CDH13: variants seen among roughly 807,000 people sequenced by gnomAD.
CDH13 encodes cadherin 13.
Under a neutral mutation model 63.8 loss-of-function variants are expected in CDH13, and 24 were observed. The observed-to-expected ratio is 0.38, with a 90% confidence interval of 0.27 to 0.53. CDH13 has a LOEUF of 0.53. CDH13 is among the 20% of genes least tolerant of loss of function. The pLI, the probability that CDH13 is intolerant of heterozygous loss-of-function variation, is 0.85. For synonymous variants in CDH13, 503 were observed against 355.3 expected (o/e 1.42, Z -4.67); for missense variants, 1,049 against 903.1 (o/e 1.16, Z -2.07).
intron 4 of CDH13, among the ~76,000 whole-genome samples, chr16:83,204,148 G>A (rs1231646896): frequency 2.0e-5 from 3 of 152,164 alleles, no homozygotes; most frequent in East Asian, 1.9e-4. Flanking sequence ...CATCAGTGTC[G>A]GGCTCAATGC....
intron 6 of CDH13, among the ~76,000 whole-genome samples, chr16:83,370,283 G>T (rs1169248216): frequency 6.6e-6 from 1 of 151,840 alleles, no homozygotes; most frequent in African/African-American, 2.4e-5. Context: ...AGCTACTCGG[G>T]AGGCTGAGGC....
intron 4 of CDH13, among the ~76,000 whole-genome samples, chr16:83,197,426 C>T (rs898389042): frequency 6.6e-6 from 1 of 152,224 alleles, no homozygotes. Flanking sequence ...TTTAAATGTA[C>T]AATTGAATTA....
Position 82,685,447 on chromosome 16 carries a change from A to G in CDH13, c.45+58310A>G, listed in dbSNP as rs532647097. 1.8e-4 allele frequency among the ~76,000 whole-genome samples: 27 copies of G among 152,332 alleles called. No individual in the cohort carries two copies. The South Asian group carries it at 5.6e-3, about 32-fold the overall frequency. On this transcript the variant is annotated intron_variant, in intron 1 of 13. Transcript: ENST00000567109. ...CCCAAAGGCCCTGCCTCCTAACACT[A>G]TCACCTTGGGGGTTAGACATTTAAC...
At chr16:83,142,124 T>TCC (rs1380016260) in intron 4 of CDH13, among the ~76,000 whole-genome samples, 4 of 151,698 alleles carry the variant, frequency 2.6e-5, no homozygotes, top group African/African-American at 9.7e-5. Context: ...CATTAAGTTG[T>TCC]CCCTGTGCCT....
chr16:83,778,925 G>A (rs760551867), intron 11 of CDH13, among the ~76,000 whole-genome samples: 9 of 152,160 alleles, frequency 5.9e-5, no homozygotes, highest in South Asian at 2.1e-4. Flanking sequence ...CGGAGACTCC[G>A]TCCTCCCCCT....
At chr16:83,209,300 C>T (rs114457141) in intron 4 of CDH13, among the ~76,000 whole-genome samples, 52 of 152,232 alleles carry the variant, frequency 3.4e-4, no homozygotes, top group African/African-American at 1.2e-3. Flanking sequence ...TGGGACAGGC[C>T]AGGGGTTCAG....
At chr16:83,298,459 C>G (rs2089655441) in intron 5 of CDH13, among the ~76,000 whole-genome samples, 1 of 152,016 alleles carries the variant, frequency 6.6e-6, no homozygotes. Context: ...ATTCCTAGGC[C>G]CTACCTCAAG....
chr16:82,946,320 A>G (rs1319169639), intron 2 of CDH13, among the ~76,000 whole-genome samples: 2 of 152,122 alleles, frequency 1.3e-5, no homozygotes, highest in African/African-American at 4.8e-5. Context: ...CAGCTTCTCA[A>G]AAATGTAAGT....
At chr16:83,138,607 A>G (rs989108875) in intron 4 of CDH13, among the ~76,000 whole-genome samples, 7 of 152,214 alleles carry the variant, frequency 4.6e-5, no homozygotes, top group African/African-American at 1.4e-4. Context: ...TGGAGAAATC[A>G]TCAAAGGCTG....
intron 6 of CDH13, among the ~76,000 whole-genome samples, chr16:83,387,450 G>C (rs757199607): frequency 6.6e-6 from 1 of 152,178 alleles, no homozygotes; most frequent in Non-Finnish European, 1.5e-5. Context: ...GCTCTTGGGT[G>C]TGTTTCATCG....
At chr16:82,638,850 G>A (rs891246670) in intron 1 of CDH13, among the ~76,000 whole-genome samples, 1 of 152,194 alleles carries the variant, frequency 6.6e-6, no homozygotes, top group African/African-American at 2.4e-5. Context: ...GTGCATGCAC[G>A]CACCAGTGCC....
At chr16:82,676,038 A>T (rs568788245) in intron 1 of CDH13, among the ~76,000 whole-genome samples, 2 of 152,320 alleles carry the variant, frequency 1.3e-5, no homozygotes, top group East Asian at 3.9e-4. Flanking sequence ...GGAGGGAGAA[A>T]AGATTGATTA....
At chr16:83,658,600 C>T (rs1377669803) in intron 8 of CDH13, among the ~76,000 whole-genome samples, 1 of 150,320 alleles carries the variant, frequency 6.7e-6, no homozygotes, top group African/African-American at 2.5e-5. Context: ...CCCATATCCT[C>T]ACCACCAGGT....
intron 6 of CDH13, among the ~76,000 whole-genome samples, chr16:83,386,957 A>G (rs2091686224): frequency 6.6e-6 from 1 of 152,214 alleles, no homozygotes. Context: ...CTGAAACATC[A>G]TCTTTAGCTC....
chr16:83,197,779 C>G (rs556399109), intron 4 of CDH13, among the ~76,000 whole-genome samples: 1 of 148,614 alleles, frequency 6.7e-6, no homozygotes, highest in East Asian at 2.0e-4. Context: ...CACACTCTCA[C>G]ACACTCACAC....
At chr16:82,707,118 A>G (rs2031558145) in intron 1 of CDH13, among the ~76,000 whole-genome samples, 1 of 152,334 alleles carries the variant, frequency 6.6e-6, no homozygotes, top group Admixed American at 6.5e-5. Flanking sequence ...TTTGCTTCCT[A>G]AAGCGTAAAG....
intron 4 of CDH13, among the ~76,000 whole-genome samples, chr16:83,205,671 C>T (rs1478295846): frequency 2.8e-5 from 4 of 145,226 alleles, no homozygotes; most frequent in Non-Finnish European, 5.9e-5. Flanking sequence ...GTGACGTGAT[C>T]TTGGCTCACT....
chr16:83,151,735 C>A (rs114670571), intron 4 of CDH13, among the ~76,000 whole-genome samples: 2,325 of 152,270 alleles, frequency 0.015, 56 homozygotes, highest in African/African-American at 0.053. Flanking sequence ...GAGGCAGAGG[C>A]GAGCAGATCA....
chr16:83,294,195 C>G (rs545095135), intron 5 of CDH13, among the ~76,000 whole-genome samples: 4 of 152,070 alleles, frequency 2.6e-5, no homozygotes, highest in East Asian at 1.9e-4. Flanking sequence ...TTAAATCTAG[C>G]TAATGAACAT....
Sources: allele counts gnomAD v4.1 joint callset (sites outside exome capture counted in the v4.1 genomes callset), GRCh38; gene constraint gnomAD v4.1.1; transcripts MANE v1.5; gene names NCBI Gene and HGNC (gene_info 2026-07-23, HGNC 2026-07-21).